Variants in STEAP1B observed in about 807,000 individuals in gnomAD.
STEAP1B encodes the protein STEAP family member 1B.
STEAP1B carries 13 observed loss-of-function variants against 27.9 expected under a neutral mutation model. The ratio of observed to expected loss-of-function variants is 0.47; its 90% CI spans 0.30 to 0.74. The LOEUF (loss-of-function observed/expected upper bound fraction) is 0.74, where lower values mean the gene tolerates loss of function less well. Among genes scored for constraint, STEAP1B ranks in the 30% least tolerant of loss-of-function variants. The probability of loss-of-function intolerance (pLI) is 0.06; values close to 1 mark genes in which losing one functional copy is unlikely to be tolerated. For synonymous variants in STEAP1B, 86 were observed against 107.1 expected, an observed-to-expected ratio of 0.80 and a Z score of 1.22; for missense variants, 250 against 298.7, an observed-to-expected ratio of 0.84 and a Z score of 1.20.
rs959985541 is a variant in STEAP1B, at chr7:22,493,825, C to T, written c.96G>A (p.Thr32=). ...GTCTTTTTAGCATGCTGGTCTCTCCCGTGTCCTCATGCTACAAAGGAAAGA... is the reference window on the plus strand; with the variant it reads ...GTCTTTTTAGCATGCTGGTCTCTCCTGTGTCCTCATGCTACAAAGGAAAGA... ...LEDNDYLHED[T]GETSMLKRPV... is the part of the protein sequence containing the mutation. Residue 32 remains threonine (T), a synonymous_variant, in exon 3 of 5, where the codon ACG becomes ACA. Transcript: ENST00000678116. The T allele has an allele frequency of 3.7e-6, 6 of 1,602,700 alleles. No homozygotes were observed. The highest frequency in any genetic ancestry group is 1.7e-5 in the Admixed American group (1 of 59,614).
At chr7:22,452,922 C>T (rs887744156) in intron 4 of STEAP1B, among the ~76,000 whole-genome samples, 2 of 152,140 alleles carry the variant, frequency 1.3e-5, no homozygotes, top group African/African-American at 4.8e-5. Context: ...TTTTGCTGAG[C>T]TTTTTCTCCT....
chr7:22,470,253 G>A lies in STEAP1B; in HGVS notation c.762+22312C>T, dbSNP rs1315111687. Among the ~76,000 whole-genome samples, 6 of 152,188 alleles carry A rather than the reference G, an allele frequency of 3.9e-5. No individual in the cohort carries two copies. The East Asian group carries it at 9.6e-4, about 24-fold the overall frequency. ...ATAAAACAAATATATAAAGGATGTA[G>A]CCGTATCGAAAGAGCACAGGAGCCA... On this transcript the variant is annotated intron_variant, in intron 4 of 4. Coordinates refer to ENST00000678116, the MANE Select transcript of STEAP1B (RefSeq NM_001382447.1).
At chr7:22,465,484 A>T (rs1785760935) in intron 4 of STEAP1B, among the ~76,000 whole-genome samples, 2 of 152,120 alleles carry the variant, frequency 1.3e-5, no homozygotes, top group Admixed American at 6.5e-5. Context: ...GTTCATACTG[A>T]TATGTATCTA....
At chr7:22,490,286 T>G (rs13307391) in intron 4 of STEAP1B, among the ~76,000 whole-genome samples, 2 of 152,132 alleles carry the variant, frequency 1.3e-5, no homozygotes, top group African/African-American at 4.8e-5. Context: ...AATACAGAAT[T>G]TTAAAGCTTT....
At chr7:22,498,070 G>A (rs1786472251) in intron 1 of STEAP1B, among the ~76,000 whole-genome samples, 1 of 152,174 alleles carries the variant, frequency 6.6e-6, no homozygotes, top group African/African-American at 2.4e-5. Flanking sequence ...CATGTACTTA[G>A]GAGAATCTAA....
intron 4 of STEAP1B, among the ~76,000 whole-genome samples, chr7:22,487,735 G>A (rs894548288): frequency 6.7e-6 from 1 of 149,442 alleles, no homozygotes; most frequent in African/African-American, 2.5e-5. Flanking sequence ...AACCTGGGAG[G>A]CGGAGGTTAC....
chr7:22,467,616 C>T (rs902700228), intron 4 of STEAP1B, among the ~76,000 whole-genome samples: 1 of 152,122 alleles, frequency 6.6e-6, no homozygotes, highest in Non-Finnish European at 1.5e-5. Flanking sequence ...TGAGTTAAGT[C>T]TCTCAAGATC....
chr7:22,422,704 A>G (rs949518322), intron 4 of STEAP1B, among the ~76,000 whole-genome samples: 2 of 152,158 alleles, frequency 1.3e-5, no homozygotes, highest in African/African-American at 4.8e-5. Flanking sequence ...CATGTTGGCC[A>G]GGTTGGTCTC....
intron 4 of STEAP1B, among the ~76,000 whole-genome samples, chr7:22,451,298 G>GT (rs34597466): frequency 2.0e-4 from 30 of 151,108 alleles, no homozygotes; most frequent in Admixed American, 5.9e-4. Flanking sequence ...AGTTTTAATA[G>GT]TTTTTTTTTT....
chr7:22,493,884 G>A lies in STEAP1B; in HGVS notation c.85-48C>T, dbSNP rs1429760226. The A allele has an allele frequency of 2.0e-6, 3 of 1,520,460 alleles. No individual in the cohort carries two copies. In the African/African-American group the frequency reaches 4.4e-5, roughly 22 times the overall value. The allele number at this position is 1,520,460 out of a possible 1,614,324, so 94.2% of individuals were successfully genotyped here. On this transcript the variant is annotated intron_variant, in intron 2 of 4. Transcript: ENST00000678116. ...ATCTTAAAATTGAACAAAACAATGG[G>A]ATATCTCTTGAACTAATTACTTATT...
intron 1 of STEAP1B, among the ~76,000 whole-genome samples, chr7:22,499,107 G>A (rs1249761062): frequency 6.6e-6 from 1 of 152,150 alleles, no homozygotes; most frequent in Non-Finnish European, 1.5e-5. Context: ...AAAATGTTAG[G>A]AACCCCAGAA....
intron 4 of STEAP1B, among the ~76,000 whole-genome samples, chr7:22,475,174 G>A (rs1040837295): frequency 3.3e-5 from 5 of 152,140 alleles, no homozygotes; most frequent in African/African-American, 1.2e-4. Flanking sequence ...TAAGAAGTAG[G>A]TTCCTATCCT....
intron 4 of STEAP1B, among the ~76,000 whole-genome samples, chr7:22,461,980 G>A (rs3114731): frequency 0.4 from 60,218 of 152,080 alleles, 11,975 homozygotes; most frequent in South Asian, 0.48. Flanking sequence ...TAAACGCTTG[G>A]TAATAGTTAC....
In STEAP1B at chr7:22,497,309, C is replaced by T. The variant is rs192241476; in HGVS notation, c.-31-2423G>A. Reference sequence around the variant, plus strand: ...CCTGCCATGCTTTTTTCTCCATGCTCTAAGAAGGAAGATGTTTTCATTAGA... The same window carrying T: ...CCTGCCATGCTTTTTTCTCCATGCTTTAAGAAGGAAGATGTTTTCATTAGA... On this transcript the variant is annotated intron_variant, in intron 1 of 4. Coordinates refer to ENST00000678116, the MANE Select transcript of STEAP1B (RefSeq NM_001382447.1). 1.2e-4 allele frequency among the ~76,000 whole-genome samples: 18 copies of T among 152,228 alleles called. No individual in the cohort carries two copies. In the East Asian group the frequency reaches 3.5e-3, roughly 29 times the overall value.
intron 4 of STEAP1B, among the ~76,000 whole-genome samples, chr7:22,450,691 A>G (rs1785473583): frequency 6.7e-6 from 1 of 150,230 alleles, no homozygotes; most frequent in Admixed American, 6.7e-5. Context: ...GAAGAATGTC[A>G]TTGGTATTTT....
chr7:22,442,176 T>C (rs1399821096), intron 4 of STEAP1B, among the ~76,000 whole-genome samples: 6 of 152,144 alleles, frequency 3.9e-5, no homozygotes, highest in African/African-American at 1.2e-4. Context: ...CAATGATGGG[T>C]AAAAAGACTG....
intron 4 of STEAP1B, among the ~76,000 whole-genome samples, chr7:22,428,940 A>G (rs1785143924): frequency 6.6e-6 from 1 of 152,258 alleles, no homozygotes; most frequent in Non-Finnish European, 1.5e-5. Flanking sequence ...GTGAACATAT[A>G]TAAGGTGTTC....
At chr7:22,488,075 T>C (rs1786246904) in intron 4 of STEAP1B, among the ~76,000 whole-genome samples, 1 of 152,126 alleles carries the variant, frequency 6.6e-6, no homozygotes, top group African/African-American at 2.4e-5. Context: ...CTGCTGTGGC[T>C]GCACATACCT....
chr7:22,466,701 C>T (rs1418210091), intron 4 of STEAP1B, among the ~76,000 whole-genome samples: 4 of 152,204 alleles, frequency 2.6e-5, no homozygotes, highest in South Asian at 2.1e-4. Context: ...AAAAGTAACA[C>T]AAGATGTATT....
Sources: allele counts gnomAD v4.1 joint callset (sites outside exome capture counted in the v4.1 genomes callset), GRCh38; gene constraint gnomAD v4.1.1; transcripts MANE v1.5; gene names NCBI Gene and HGNC (gene_info 2026-07-23, HGNC 2026-07-21).